Variants in CANX observed in about 807,000 individuals in gnomAD.
The protein encoded by CANX is calnexin, also known as epididymis secretory sperm binding protein.
Under a neutral mutation model 75.7 loss-of-function variants are expected in CANX, and 14 were observed. The observed-to-expected ratio is 0.19, with a 90% CI of 0.12 to 0.29. CANX has a LOEUF of 0.29. Among genes scored for constraint, CANX ranks in the 10% least tolerant of loss-of-function variants. The pLI is 1.00. For missense variants in CANX, 567 were observed against 713.2 expected (o/e 0.79, Z 2.34); for synonymous variants, 227 against 236.9 (o/e 0.96, Z 0.38).
chr5:179,709,985 A>G lies in CANX; in HGVS notation c.641A>G (p.Tyr214Cys), dbSNP rs769909544. Residue 214 changes from tyrosine to cysteine, a missense_variant, in exon 7 of 15, where the codon TAT (tyrosine) becomes TGT (cysteine). Transcript: ENST00000247461. Reference sequence around the variant, plus strand: ...CACAAAAACCCCAAAACGGGTATCTATGAAGAAAAACATGCTAAGAGGCCA... The same window carrying G: ...CACAAAAACCCCAAAACGGGTATCTGTGAAGAAAAACATGCTAAGAGGCCA... ...FRHKNPKTGI[Y>C]EEKHAKRPDA... is the part of the protein sequence containing the mutation. 3.7e-6 allele frequency: 6 copies of G among 1,613,306 alleles called. No homozygotes were observed. Among genetic ancestry groups the G allele is most frequent in the African/African-American group, 1.3e-5 (1 of 74,924 alleles).
intron 1 of CANX, chr5:179,699,647 CTT>C (rs1776600725): frequency 6.6e-6 from 1 of 152,214 alleles, no homozygotes; most frequent in African/African-American, 2.4e-5. Context: ...GGTTGAGAAA[CTT>C]AGCAGTTACA....
chr5:179,724,810 C>A, intron 13 of CANX, 27 bp downstream of exon 13: 2 of 1,587,182 alleles, frequency 1.3e-6, no homozygotes, highest in Non-Finnish European at 1.7e-6. Flanking sequence ...AGAAAATCTG[C>A]TTTAAGCCAA....
intron 1 of CANX, among the ~76,000 whole-genome samples, chr5:179,684,924 G>GTTTTTTTTTTTTTTTTTTTTTTTTTT (rs781629512): frequency 6.9e-5 from 2 of 28,984 alleles, no homozygotes; most frequent in Non-Finnish European, 6.8e-5. Context: ...GGCTAATTTT[G>GTTTTTTTTTTTTTTTTTTTTTTTTTT]TATTTTTTTT....
chr5:179,696,948 C>A (rs1269719169), upstream of CANX, among the ~76,000 whole-genome samples: 3 of 69,366 alleles, frequency 4.3e-5, no homozygotes, highest in Admixed American at 1.7e-4. Flanking sequence ...TTTGGGAATT[C>A]GTATAATATG....
chr5:179,725,986 CAAA>C (rs796996311), intron 13 of CANX, among the ~76,000 whole-genome samples: 1 of 63,020 alleles, frequency 1.6e-5, no homozygotes, highest in Non-Finnish European at 3.3e-5. Flanking sequence ...GACTGAGTCT[CAAA>C]AAAAAAAAAA....
intron 10 of CANX, 75 bp downstream of exon 10, chr5:179,720,635 G>A: frequency 7.3e-7 from 1 of 1,375,090 alleles, no homozygotes; most frequent in South Asian, 1.2e-5. Context: ...CTAGAGTAAG[G>A]CTGCCAGGTT....
At chr5:179,712,213 A>G (rs1325160798) in intron 7 of CANX, among the ~76,000 whole-genome samples, 3 of 149,694 alleles carry the variant, frequency 2.0e-5, no homozygotes, top group South Asian at 2.1e-4. Flanking sequence ...AGAATAAGTT[A>G]TATTTATAAT....
intron 1 of CANX, chr5:179,704,227 G>A (rs1293378926): frequency 1.3e-5 from 2 of 152,128 alleles, no homozygotes; most frequent in Admixed American, 6.6e-5. Context: ...GCGCTTACGT[G>A]GTTAGAAAAG....
intron 1 of CANX, chr5:179,679,351 C>A: frequency 8.6e-7 from 1 of 1,165,194 alleles, no homozygotes. Flanking sequence ...CTTAGCCCTG[C>A]AGCTACGGCT....
intron 10 of CANX, among the ~76,000 whole-genome samples, chr5:179,721,480 T>C (rs4391132): frequency 0.96 from 146,125 of 152,318 alleles, 70,378 homozygotes; most frequent in East Asian, 1. Flanking sequence ...TCTTGGGTGC[T>C]AGGGTTGCTT....
chr5:179,719,819 T>A (rs370420508), intron 9 of CANX, 38 bp downstream of exon 9: 2 of 1,140,768 alleles, frequency 1.8e-6, no homozygotes, highest in African/African-American at 3.1e-5. Context: ...TTACCTGGTT[T>A]TTTTGTTTGT....
chr5:179,706,071 T>C (rs1188041061), intron 2 of CANX, among the ~76,000 whole-genome samples, 187 bp from the exon 3 acceptor site: 2 of 152,158 alleles, frequency 1.3e-5, no homozygotes, highest in East Asian at 3.8e-4. Context: ...AAAGCAAAAT[T>C]CGTGAAAATA....
Position 179,716,279 on chromosome 5 carries a change from T to C in CANX, c.896T>C (p.Val299Ala), listed in dbSNP as rs751380083. 8 of 1,613,738 alleles carry C rather than the reference T, an allele frequency of 5.0e-6. No individual in the cohort carries two copies. In the East Asian group the frequency reaches 1.8e-4, roughly 36 times the overall value. Residue 299 changes from valine to alanine, a missense_variant, in exon 8 of 15, where the codon GTC becomes GCC. Transcript: ENST00000247461. ...ERPKIPDPEA[V>A]KPDDWDEDAP... ...CCAAAAATCCCAGATCCAGAAGCTG[T>C]CAAGCCAGATGACTGGTGAGTCTTG... is the stretch of plus-strand genomic sequence containing the variant.
chr5:179,730,834 G>C lies in CANX; in HGVS notation c.*2190G>C, dbSNP rs1778946926. 2 of 152,166 alleles carry C rather than the reference G, an allele frequency of 1.3e-5. No homozygotes were observed. Among genetic ancestry groups the C allele is most frequent in the Non-Finnish European group, 2.9e-5 (2 of 68,034 alleles). 9.4% of individuals were successfully genotyped at this position (152,166 alleles called of 1,614,324 possible). A position where few individuals can be genotyped will look rare whatever the true frequency, so the allele number is the denominator to read the frequency against. ...CAAATGCCCACTCTCCATCAGATGT[G>C]TTCCTCCATTTTCTTATCCACAAAG... On this transcript the variant is annotated 3_prime_UTR_variant, in exon 15 of 15. Coordinates refer to ENST00000247461, the MANE Select transcript of CANX (RefSeq NM_001746.4).
intron 1 of CANX, among the ~76,000 whole-genome samples, chr5:179,691,267 C>G (rs1776294631): frequency 6.6e-6 from 1 of 152,096 alleles, no homozygotes; most frequent in Admixed American, 6.6e-5. Context: ...TCGAGTGATC[C>G]ACCCACCTCA....
intron 7 of CANX, among the ~76,000 whole-genome samples, chr5:179,713,759 AAAT>A (rs959053560): frequency 6.6e-6 from 1 of 151,558 alleles, no homozygotes; most frequent in African/African-American, 2.4e-5. Flanking sequence ...TCCTACAAAA[AAAT>A]AATTATTCAG....
At chr5:179,713,659 A>G (rs1339865587) in intron 7 of CANX, among the ~76,000 whole-genome samples, 2 of 152,164 alleles carry the variant, frequency 1.3e-5, no homozygotes, top group East Asian at 1.9e-4. Context: ...GCTCAGGCCT[A>G]TAATCCCTGC....
rs549884638 is a variant in CANX at position 179,729,505 on chromosome 5, T to C, written c.*861T>C. 1 of 152,974 alleles carries C rather than the reference T, an allele frequency of 6.5e-6. No homozygotes were observed. Among genetic ancestry groups the C allele is most frequent in the East Asian group, 1.9e-4 (1 of 5,190 alleles). The allele number at this position is 152,974 out of a possible 1,614,324, so 9.5% of individuals were successfully genotyped here. ...TAGATGTCTTCATCACTTCTTCCAC[T>C]GTGTGTTGACACTGTTTTCCTTACC... On this transcript the variant is annotated 3_prime_UTR_variant, in exon 15 of 15. Transcript: ENST00000247461.
chr5:179,701,501 C>T (rs879510677), intron 1 of CANX, among the ~76,000 whole-genome samples: 42 of 151,178 alleles, frequency 2.8e-4, no homozygotes, highest in Admixed American at 7.3e-4. Flanking sequence ...ACCTGGAAGG[C>T]GGAGGTTGCA....
Sources: gnomAD v4.1 joint callset for allele counts (sites outside exome capture counted in the v4.1 genomes callset) on GRCh38, gnomAD v4.1.1 for gene constraint, MANE v1.5 for transcripts, NCBI Gene and HGNC (gene_info 2026-07-23, HGNC 2026-07-21) for gene names.